Variants in LUZP1 observed in about 807,000 individuals in gnomAD.
LUZP1 encodes the protein leucine zipper protein 1, also known as filamin mechanobinding actin cross-linking protein.
Under a neutral mutation model 71.3 loss-of-function variants are expected in LUZP1, and 25 were observed. The observed-to-expected ratio is 0.35, with a 90% CI of 0.26 to 0.49. The LOEUF (loss-of-function observed/expected upper bound fraction) is 0.49. Among genes scored for constraint, LUZP1 ranks in the 20% least tolerant of loss-of-function variants. LUZP1 has a pLI of 0.99. For missense variants in LUZP1, 1,142 were observed against 1,300.8 expected (o/e 0.88, Z 1.88); for synonymous variants, 481 against 506.4 (o/e 0.95, Z 0.67).
intron 2 of LUZP1, among the ~76,000 whole-genome samples, chr1:23,115,560 A>G (rs1644070960): frequency 6.6e-6 from 1 of 151,658 alleles, no homozygotes; most frequent in Non-Finnish European, 1.5e-5. Context: ...TTTTTTTTGG[A>G]GACAAAGTCT....
intron 2 of LUZP1, among the ~76,000 whole-genome samples, chr1:23,166,231 A>G (rs1248758382): frequency 6.6e-6 from 1 of 152,206 alleles, no homozygotes; most frequent in Non-Finnish European, 1.5e-5. Flanking sequence ...GGCAGTGGGC[A>G]AAGTAGAGAG....
chr1:23,154,750 T>C (rs1024429154), intron 2 of LUZP1, among the ~76,000 whole-genome samples: 4 of 143,624 alleles, frequency 2.8e-5, no homozygotes, highest in Non-Finnish European at 6.0e-5. Flanking sequence ...GAGACGGGGT[T>C]TCACTGTGTT....
chr1:23,172,518 TA>T (rs1437791860), intron 1 of LUZP1, among the ~76,000 whole-genome samples: 3 of 151,294 alleles, frequency 2.0e-5, no homozygotes, highest in Non-Finnish European at 1.5e-5. Flanking sequence ...TTTATTTTTT[TA>T]TTTTTTTTTT....
chr1:23,111,586 T>C (rs1644033115), intron 2 of LUZP1, among the ~76,000 whole-genome samples: 1 of 152,038 alleles, frequency 6.6e-6, no homozygotes, highest in Non-Finnish European at 1.5e-5. Flanking sequence ...AAACGATCTA[T>C]ACCAAGGCGG....
intron 2 of LUZP1, among the ~76,000 whole-genome samples, chr1:23,144,842 G>A (rs1378544660): frequency 6.6e-6 from 1 of 152,114 alleles, no homozygotes; most frequent in African/African-American, 2.4e-5. Context: ...TTGGGGTTAA[G>A]GAATGTTTTA....
chr1:23,143,878 C>A (rs1470659548), intron 2 of LUZP1, among the ~76,000 whole-genome samples: 4 of 152,194 alleles, frequency 2.6e-5, no homozygotes, highest in African/African-American at 4.8e-5. Flanking sequence ...CTCAGGGTCA[C>A]AGTGGTCTTA....
chr1:23,135,261 A>G (rs1195248396), intron 2 of LUZP1, among the ~76,000 whole-genome samples: 2 of 152,256 alleles, frequency 1.3e-5, no homozygotes, highest in Non-Finnish European at 2.9e-5. Flanking sequence ...TAAAGATTAT[A>G]AATAGCCTGC....
upstream of LUZP1, among the ~76,000 whole-genome samples, chr1:23,178,109 G>A (rs1213781346): frequency 1.3e-5 from 2 of 152,212 alleles, no homozygotes; most frequent in Non-Finnish European, 2.9e-5. Context: ...AGGAGGAAGC[G>A]GAGAGACGAA....
At chr1:23,107,466 G>C (rs1043254369) in intron 3 of LUZP1, among the ~76,000 whole-genome samples, 1 of 152,164 alleles carries the variant, frequency 6.6e-6, no homozygotes, top group African/African-American at 2.4e-5. Flanking sequence ...TTTGTCATCA[G>C]AACATTAGCC....
chr1:23,118,146 A>G (rs562113445), intron 2 of LUZP1, among the ~76,000 whole-genome samples: 2 of 152,238 alleles, frequency 1.3e-5, no homozygotes, highest in African/African-American at 4.8e-5. Flanking sequence ...TTGCGCCTGT[A>G]ATCCCAGCAC....
At chr1:23,148,925 T>C (rs1644362588) in intron 2 of LUZP1, among the ~76,000 whole-genome samples, 1 of 150,996 alleles carries the variant, frequency 6.6e-6, no homozygotes, top group South Asian at 2.1e-4. Flanking sequence ...ACCAAAAATG[T>C]TTAAAATTAG....
intron 2 of LUZP1, among the ~76,000 whole-genome samples, chr1:23,118,028 T>G (rs907482073): frequency 6.6e-6 from 1 of 151,758 alleles, no homozygotes; most frequent in Non-Finnish European, 1.5e-5. Context: ...AGGTGGAGGC[T>G]GCAACGAGCT....
intron 2 of LUZP1, among the ~76,000 whole-genome samples, chr1:23,138,706 T>C (rs1295605934): frequency 1.0e-5 from 1 of 97,826 alleles, no homozygotes; most frequent in Non-Finnish European, 2.1e-5. Context: ...TGTATATATA[T>C]ATATATATAA....
At chr1:23,096,443 G>GT (rs1371298556) in intron 3 of LUZP1, among the ~76,000 whole-genome samples, 1 of 152,110 alleles carries the variant, frequency 6.6e-6, no homozygotes, top group Non-Finnish European at 1.5e-5. Flanking sequence ...GAGCTAGCAG[G>GT]TAAGAATTTT....
At chr1:23,124,102 C>T (rs1034294890) in intron 2 of LUZP1, among the ~76,000 whole-genome samples, 1 of 152,142 alleles carries the variant, frequency 6.6e-6, no homozygotes, top group Non-Finnish European at 1.5e-5. Flanking sequence ...CCAAGGTACA[C>T]ACCATGGTAA....
At chr1:23,096,784 A>G (rs1302320177) in intron 3 of LUZP1, among the ~76,000 whole-genome samples, 2 of 152,000 alleles carry the variant, frequency 1.3e-5, no homozygotes, top group Non-Finnish European at 2.9e-5. Flanking sequence ...ACCAGCCTGA[A>G]CAACATGATG....
chr1:23,155,771 C>T (rs1644416926), intron 2 of LUZP1, among the ~76,000 whole-genome samples: 1 of 152,070 alleles, frequency 6.6e-6, no homozygotes. Flanking sequence ...TGCACTCACT[C>T]CAGCCTGGGC....
intron 2 of LUZP1, among the ~76,000 whole-genome samples, chr1:23,136,651 G>T (rs924021951): frequency 2.0e-5 from 3 of 152,210 alleles, no homozygotes; most frequent in African/African-American, 7.2e-5. Context: ...GCTCACGCCT[G>T]TAATCCCAGC....
intron 2 of LUZP1, among the ~76,000 whole-genome samples, chr1:23,166,061 A>AG (rs960400330): frequency 4.6e-5 from 7 of 151,940 alleles, no homozygotes; most frequent in African/African-American, 4.8e-5. Flanking sequence ...AAAAAAAAAA[A>AG]AAAAGAAAAG....
Sources: allele counts gnomAD v4.1 joint callset (sites outside exome capture counted in the v4.1 genomes callset), GRCh38; gene constraint gnomAD v4.1.1; transcripts MANE v1.5; gene names NCBI Gene and HGNC (gene_info 2026-07-23, HGNC 2026-07-21).